Variants in TENM4 observed in about 807,000 individuals in gnomAD.
TENM4 encodes teneurin-4.
In TENM4, 82 loss-of-function variants were observed where a neutral mutation model predicts 243.3. The ratio of observed to expected loss-of-function variants is 0.34; its 90% CI spans 0.28 to 0.40. The LOEUF (loss-of-function observed/expected upper bound fraction) is 0.40, where lower values mean the gene tolerates loss of function less well. TENM4 is among the 10% of genes least tolerant of loss of function. The probability of loss-of-function intolerance (pLI) is 1.00; values close to 1 mark genes in which losing one functional copy is unlikely to be tolerated. For synonymous variants in TENM4, 1,412 were observed against 1,456.3 expected, an observed-to-expected ratio of 0.97 and a Z score of 0.69; for missense variants, 3,138 against 3,673.3, an observed-to-expected ratio of 0.85 and a Z score of 3.77.
chr11:78,772,927 C>T (rs767235686), intron 17 of TENM4, among the ~76,000 whole-genome samples: 1 of 152,306 alleles, frequency 6.6e-6, no homozygotes, highest in Admixed American at 6.5e-5. Context: ...AGCATGGCCA[C>T]CCCAAAAAGT....
intron 31 of TENM4, 101 bp downstream of exon 31, chr11:78,671,932 T>A (rs1414867499): frequency 7.2e-7 from 1 of 1,388,820 alleles, no homozygotes; most frequent in Non-Finnish European, 9.7e-7. Context: ...TTTGGTGACA[T>A]GGGTCAGATA....
chr11:79,251,034 A>G (rs1340936615), intron 2 of TENM4, among the ~76,000 whole-genome samples: 1 of 152,218 alleles, frequency 6.6e-6, no homozygotes, highest in Non-Finnish European at 1.5e-5. Flanking sequence ...GAATTGGGAA[A>G]AAAAGCAATT....
At chr11:79,108,988 G>T (rs529088288) in intron 4 of TENM4, among the ~76,000 whole-genome samples, 1 of 152,010 alleles carries the variant, frequency 6.6e-6, no homozygotes, top group Non-Finnish European at 1.5e-5. Flanking sequence ...TCTCTCTGCC[G>T]CCCAGAAGGC....
intron 11 of TENM4, among the ~76,000 whole-genome samples, chr11:78,854,630 T>A (rs1480540127): frequency 2.6e-5 from 4 of 152,192 alleles, no homozygotes; most frequent in Admixed American, 2.0e-4. Flanking sequence ...ACAACCATGC[T>A]TTTTTGCAAT....
chr11:79,218,411 C>G (rs369766620), intron 2 of TENM4, among the ~76,000 whole-genome samples: 5 of 152,132 alleles, frequency 3.3e-5, no homozygotes, highest in African/African-American at 1.2e-4. Flanking sequence ...CCCCAAGGGT[C>G]CTGCTGGGGT....
chr11:78,671,121 T>C (rs1254937791), intron 31 of TENM4, among the ~76,000 whole-genome samples: 1 of 152,204 alleles, frequency 6.6e-6, no homozygotes, highest in Non-Finnish European at 1.5e-5. Flanking sequence ...GAGAAGGGCA[T>C]TTAAGGCTTT....
chr11:79,301,764 A>G (rs1856552748), intron 1 of TENM4, among the ~76,000 whole-genome samples: 1 of 152,170 alleles, frequency 6.6e-6, no homozygotes, highest in Non-Finnish European at 1.5e-5. Flanking sequence ...TTCTCTTGAT[A>G]ACGAGTGAGT....
At chr11:79,412,977 C>T (rs1272340642) in intron 1 of TENM4, among the ~76,000 whole-genome samples, 1 of 152,224 alleles carries the variant, frequency 6.6e-6, no homozygotes, top group African/African-American at 2.4e-5. Context: ...AAGGCAAGGG[C>T]AGGTGCTAGA....
chr11:78,908,195 G>C (rs1478196627), intron 6 of TENM4, among the ~76,000 whole-genome samples: 1 of 152,200 alleles, frequency 6.6e-6, no homozygotes, highest in African/African-American at 2.4e-5. Context: ...TGGTGTCAGA[G>C]AGCCCTGAGT....
At chr11:78,975,600 A>C (rs1044383136) in intron 6 of TENM4, among the ~76,000 whole-genome samples, 9 of 146,020 alleles carry the variant, frequency 6.2e-5, no homozygotes, top group Middle Eastern at 3.6e-3. Context: ...ACACACACCC[A>C]CACACACACA....
chr11:79,197,398 A>G (rs1863652845), intron 3 of TENM4, among the ~76,000 whole-genome samples: 1 of 151,944 alleles, frequency 6.6e-6, no homozygotes, highest in South Asian at 2.1e-4. Context: ...TGGAACCAGA[A>G]CCAAAAGCTG....
At chr11:78,895,924 T>C (rs1855782854) in intron 7 of TENM4, among the ~76,000 whole-genome samples, 2 of 152,164 alleles carry the variant, frequency 1.3e-5, no homozygotes, top group African/African-American at 4.8e-5. Flanking sequence ...TGGTGGGCTG[T>C]TCTTAAAGAG....
chr11:78,761,763 C>T (rs934704076), intron 18 of TENM4, among the ~76,000 whole-genome samples: 1 of 133,982 alleles, frequency 7.5e-6, no homozygotes, highest in African/African-American at 3.5e-5. Context: ...GTCTAGTAGG[C>T]ACTGTTTTTT....
chr11:78,964,163 C>T (rs144781140), intron 6 of TENM4, among the ~76,000 whole-genome samples: 60 of 151,648 alleles, frequency 4.0e-4, no homozygotes, highest in African/African-American at 1.4e-3. Flanking sequence ...CTGCCTCAGC[C>T]TCCTGAGTAG....
chr11:79,172,930 C>T (rs1419774145), intron 3 of TENM4, among the ~76,000 whole-genome samples: 1 of 152,174 alleles, frequency 6.6e-6, no homozygotes, highest in Non-Finnish European at 1.5e-5. Context: ...CGTGAGCCAC[C>T]GTGCCTGGCC....
intron 1 of TENM4, among the ~76,000 whole-genome samples, chr11:79,352,989 G>A (rs977621763): frequency 2.6e-5 from 4 of 152,074 alleles, no homozygotes; most frequent in African/African-American, 4.8e-5. Flanking sequence ...ACAGGCAGAC[G>A]GATACCCTCA....
intron 12 of TENM4, among the ~76,000 whole-genome samples, chr11:78,848,076 G>A: frequency 7.6e-6 from 1 of 131,814 alleles, no homozygotes. Flanking sequence ...GGATTGTAGG[G>A]AAAGCAAATG....
Position 78,669,341 on chromosome 11 carries a change from G to A in TENM4, c.7004C>T (p.Thr2335Ile). 1.2e-6 allele frequency: 2 copies of A among 1,613,858 alleles called. No individual in the cohort carries two copies. Among genetic ancestry groups the A allele is most frequent in the African/African-American group, 1.3e-5 (1 of 75,052 alleles). ...HLYNHSSSEI[T>I]SLYYDLQGHL... is the part of the protein sequence containing the mutation. ...TCCTTGCAAGTCGTAGTAGAGGGAGGTGATCTCAGAGCTGGAGTGGTTGTA... is the reference window on the plus strand; with the variant it reads ...TCCTTGCAAGTCGTAGTAGAGGGAGATGATCTCAGAGCTGGAGTGGTTGTA... Residue 2335 changes from threonine to isoleucine, a missense_variant, in exon 32 of 34, where the codon ACC (threonine) becomes ATC (isoleucine). Transcript: ENST00000278550. This position sits in a 1 kb window ranked among gnomAD's most constrained non-coding sequence, Gnocchi z 6.4.
Position 78,726,137 on chromosome 11 carries a change from G to C in TENM4, c.3492C>G (p.Asp1164Glu), listed in dbSNP as rs689369. The C allele has an allele frequency of 3.2e-5, 52 of 1,613,746 alleles. No individual in the cohort carries two copies. The Admixed American group carries it at 4.7e-4, about 14-fold the overall frequency. Residue 1164 changes from aspartate to glutamate, a missense_variant, in exon 23 of 34, where the codon GAC becomes GAG. By Grantham distance (45) the Asp-to-Glu change is conservative. This residue lies in a region of TENM4 where 2,467 missense variants were observed against 3,059.1 expected (regional missense o/e 0.81). Transcript: ENST00000278550. ...RTTVLQGYEI[D>E]ASKLGGWSLD... ...GGCTCCATCCTCCAAGCTTGGACGC[G>C]TCAATTTCATAGCCCTGCAGCACTG...
Sources: allele counts gnomAD v4.1 joint callset (sites outside exome capture counted in the v4.1 genomes callset), GRCh38; gene constraint gnomAD v4.1.1; regional missense constraint gnomAD v4.1.1; non-coding constraint Gnocchi (gnomAD v3.1); transcripts MANE v1.5; gene names NCBI Gene and HGNC (gene_info 2026-07-23, HGNC 2026-07-21).